SPATS2: variants seen among roughly 807,000 people sequenced by gnomAD.
SPATS2 encodes the protein spermatogenesis associated serine rich 2, also known as spermatogenesis-associated serine-rich protein 2.
Under a neutral mutation model 63.7 loss-of-function variants are expected in SPATS2, and 38 were observed. The ratio of observed to expected loss-of-function variants is 0.60; its 90% confidence interval spans 0.46 to 0.78. The LOEUF is 0.78. Ranked by LOEUF, SPATS2 falls within the 30% of genes least tolerant of loss-of-function variation. SPATS2 has a pLI of 0.00. For synonymous variants in SPATS2, 207 were observed against 232.9 expected (o/e 0.89, Z 1.01); for missense variants, 588 against 666.2 (o/e 0.88, Z 1.29).
chr12:49,383,159 A>G (rs1218931507), intron 2 of SPATS2, among the ~76,000 whole-genome samples: 2 of 151,672 alleles, frequency 1.3e-5, no homozygotes, highest in Non-Finnish European at 2.9e-5. Context: ...CTGGGATTAC[A>G]GGCGCACACC....
chr12:49,438,530 C>G (rs1565722424), intron 2 of SPATS2, among the ~76,000 whole-genome samples: 1 of 152,150 alleles, frequency 6.6e-6, no homozygotes, highest in Non-Finnish European at 1.5e-5. Flanking sequence ...AGTTATTTTT[C>G]CATTCTACGT....
chr12:49,420,907 T>G (rs956283491), intron 2 of SPATS2, among the ~76,000 whole-genome samples: 26 of 152,170 alleles, frequency 1.7e-4, no homozygotes, highest in African/African-American at 6.3e-4. Flanking sequence ...CTCCGGAGGC[T>G]GAGATGGGAG....
chr12:49,524,578 A>C, intron 12 of SPATS2, 104 bp from the exon 13 acceptor site: 1 of 1,206,728 alleles, frequency 8.3e-7, no homozygotes, highest in Non-Finnish European at 1.2e-6. Context: ...TCGAATAGAC[A>C]GTTCTTTATC....
chr12:49,474,628 G>T (rs1946089578), intron 3 of SPATS2, among the ~76,000 whole-genome samples: 1 of 152,176 alleles, frequency 6.6e-6, no homozygotes, highest in Non-Finnish European at 1.5e-5. Context: ...TTTAAAATAA[G>T]AAATCATTTC....
intron 1 of SPATS2, among the ~76,000 whole-genome samples, chr12:49,370,857 A>C (rs1187091437): frequency 2.0e-5 from 3 of 152,032 alleles, no homozygotes; most frequent in Non-Finnish European, 4.4e-5. Context: ...ATCATGGCTC[A>C]CTGTTTGACC....
At position 49,502,946 on chromosome 12, in the gene SPATS2, T is replaced by G. The variant is rs369031498; in HGVS notation, c.839+2741T>G. Among the ~76,000 whole-genome samples, 72 of 152,340 alleles carry G rather than the reference T, an allele frequency of 4.7e-4. No homozygotes were observed. The South Asian group carries it at 0.012, about 26-fold the overall frequency. On this transcript the variant is annotated intron_variant, in intron 9 of 13. Transcript: ENST00000552918. ...AACTTTCCTTAAATTAAGGTCTAAC[T>G]TCTGGAAATTATTTTAGGTAACTGA... is the stretch of plus-strand genomic sequence containing the variant.
chr12:49,503,459 C>T lies in SPATS2; in HGVS notation c.839+3254C>T, dbSNP rs372682162. ...GGTCAGGAGATGGAGACCATCCTGGCTAACAAGGTGAAACCCCGTCTCTAC... is the reference window on the plus strand; with the variant it reads ...GGTCAGGAGATGGAGACCATCCTGGTTAACAAGGTGAAACCCCGTCTCTAC... On this transcript the variant is annotated intron_variant, in intron 9 of 13. Coordinates refer to ENST00000552918, the MANE Select transcript of SPATS2 (RefSeq NM_023071.4). Among the ~76,000 whole-genome samples the T allele has an allele frequency of 4.8e-4, 72 of 151,200 alleles. No homozygotes were observed. In the South Asian group the frequency reaches 0.012, roughly 26 times the overall value.
chr12:49,436,547 C>T (rs562422759), intron 2 of SPATS2, among the ~76,000 whole-genome samples: 10 of 123,514 alleles, frequency 8.1e-5, no homozygotes, highest in East Asian at 4.5e-4. Context: ...GCCTCCTGGC[C>T]GGGCGGGGGG....
At chr12:49,407,190 T>C (rs1457766274) in intron 2 of SPATS2, among the ~76,000 whole-genome samples, 1 of 152,188 alleles carries the variant, frequency 6.6e-6, no homozygotes, top group Non-Finnish European at 1.5e-5. Context: ...AGATTCAAAC[T>C]GCTGTCCTCT....
rs1478576333 is a variant in SPATS2, at chr12:49,516,151, AAAAAAAAAAAAAAAAATATATAT to A, written c.898+1540_898+1562del. On this transcript the variant is annotated intron_variant, in intron 10 of 13. Transcript: ENST00000552918. ...AAGACTCCATCTCAAAAAAAAAAAAAAAAAAAAAAAAAAAAATATATATATATATATATATATATATATATATA... is the reference window on the plus strand; with the variant it reads ...AAGACTCCATCTCAAAAAAAAAAAAAATATATATATATATATATATATATA... Among the ~76,000 whole-genome samples, 28 of 39,186 alleles carry A rather than the reference AAAAAAAAAAAAAAAAATATATAT, an allele frequency of 7.1e-4. 1 individual carries two copies. Among genetic ancestry groups the A allele is most frequent in the African/African-American group, 3.0e-3 (27 of 9,098 alleles). 25.7% of individuals were successfully genotyped at this position (39,186 alleles called of 152,430 possible).
chr12:49,492,854 G>T (rs533195077), intron 6 of SPATS2, among the ~76,000 whole-genome samples: 80 of 152,204 alleles, frequency 5.3e-4, no homozygotes, highest in Admixed American at 4.4e-3. Context: ...CCAGCATTTT[G>T]GGAGGTCGAG....
Position 49,500,112 on chromosome 12 carries a change from C to G in SPATS2, c.746C>G (p.Thr249Arg), listed in dbSNP as rs905847698. Residue 249 changes from threonine to arginine, a missense_variant, in exon 9 of 14, where the codon ACA (threonine) becomes AGA (arginine). By Grantham distance (71) the Thr-to-Arg change is moderately conservative. Coordinates refer to ENST00000552918, the MANE Select transcript of SPATS2 (RefSeq NM_023071.4). ...EKSVKDLQRC[T>R]VSLARYRVVV... is the part of the protein sequence containing the mutation. ...TCTGTAAAAGACCTCCAGCGCTGCA[C>G]AGTGTCTCTTGCACGGTATCGAGTT... The G allele has an allele frequency of 6.2e-7, 1 of 1,604,868 alleles. No individual in the cohort carries two copies. Among genetic ancestry groups the G allele is most frequent in the African/African-American group, 1.4e-5 (1 of 74,010 alleles).
chr12:49,443,307 T>C (rs1446937734), intron 2 of SPATS2, among the ~76,000 whole-genome samples: 1 of 152,204 alleles, frequency 6.6e-6, no homozygotes, highest in African/African-American at 2.4e-5. Flanking sequence ...GGATATTCAG[T>C]TATCCCAGCA....
intron 11 of SPATS2, among the ~76,000 whole-genome samples, chr12:49,519,971 C>T (rs1227604338): frequency 6.1e-4 from 93 of 151,676 alleles, no homozygotes; most frequent in Admixed American, 5.7e-3. Context: ...CCTGCCACCA[C>T]GCCTGGCTAA....
At chr12:49,402,478 T>C (rs1944623358) in intron 2 of SPATS2, among the ~76,000 whole-genome samples, 1 of 152,040 alleles carries the variant, frequency 6.6e-6, no homozygotes, top group Non-Finnish European at 1.5e-5. Context: ...GAAGTTGAGA[T>C]TGTTGGGGGA....
chr12:49,479,402 A>G (rs1299317322), intron 3 of SPATS2, among the ~76,000 whole-genome samples: 1 of 152,228 alleles, frequency 6.6e-6, no homozygotes, highest in Non-Finnish European at 1.5e-5. Flanking sequence ...GGTGCCGACA[A>G]CAGGGAGAAG....
chr12:49,405,769 A>AT (rs1471867163), intron 2 of SPATS2, among the ~76,000 whole-genome samples: 9 of 152,208 alleles, frequency 5.9e-5, no homozygotes, highest in Admixed American at 2.0e-4. Flanking sequence ...AATGTCTACC[A>AT]TTTTTAGTAC....
At chr12:49,475,459 G>A (rs1318698323) in intron 3 of SPATS2, among the ~76,000 whole-genome samples, 1 of 149,900 alleles carries the variant, frequency 6.7e-6, no homozygotes, top group Non-Finnish European at 1.5e-5. Flanking sequence ...TTGTTGTTTT[G>A]AGACGGAGTC....
intron 2 of SPATS2, among the ~76,000 whole-genome samples, chr12:49,422,521 T>G (rs1366423673): frequency 6.6e-6 from 1 of 152,166 alleles, no homozygotes; most frequent in African/African-American, 2.4e-5. Flanking sequence ...GTATGTTTCT[T>G]TTACCTAACA....
Sources: gnomAD v4.1 joint callset for allele counts (sites outside exome capture counted in the v4.1 genomes callset) on GRCh38, gnomAD v4.1.1 for gene constraint, MANE v1.5 for transcripts, NCBI Gene and HGNC (gene_info 2026-07-23, HGNC 2026-07-21) for gene names.